CCDC148: variants seen among roughly 807,000 people sequenced by gnomAD.
CCDC148 encodes coiled-coil domain-containing protein 148.
CCDC148 carries 89 observed loss-of-function variants against 85.7 expected under a neutral mutation model. The observed-to-expected ratio is 1.04, with a 90% CI of 0.87 to 1.24. The LOEUF is 1.24. CCDC148 is among the 50% of genes most tolerant of loss of function. CCDC148 has a pLI of 0.00. For synonymous variants in CCDC148, 230 were observed against 213.9 expected (o/e 1.08, Z -0.66); for missense variants, 692 against 671.7 (o/e 1.03, Z -0.33).
At chr2:158,323,896 C>G (rs1692634296) in intron 7 of CCDC148, among the ~76,000 whole-genome samples, 1 of 132,140 alleles carries the variant, frequency 7.6e-6, no homozygotes, top group Non-Finnish European at 1.7e-5. Flanking sequence ...AAAATTATGT[C>G]TAATTTCACC....
At position 158,309,345 on chromosome 2, in the gene CCDC148, A is replaced by G. The variant is rs1228353533; in HGVS notation, c.1110+88T>C. 7 of 1,140,346 alleles carry G rather than the reference A, an allele frequency of 6.1e-6. No homozygotes were observed. The African/African-American group carries it at 9.3e-5, about 15-fold the overall frequency. The allele number at this position is 1,140,346 out of a possible 1,614,324, so 70.6% of individuals were successfully genotyped here. On this transcript the variant is annotated intron_variant, in intron 9 of 13. Coordinates refer to ENST00000283233, the MANE Select transcript of CCDC148 (RefSeq NM_138803.4). Reference sequence around the variant, plus strand: ...GGTAGGCTTTTGTTTTTTAAGAGAAACTGAACTTTAGGTTGAGTTTGAACA... The same window carrying G: ...GGTAGGCTTTTGTTTTTTAAGAGAAGCTGAACTTTAGGTTGAGTTTGAACA...
intron 13 of CCDC148, among the ~76,000 whole-genome samples, chr2:158,173,685 G>T (rs1010446653): frequency 1.3e-5 from 2 of 151,980 alleles, no homozygotes; most frequent in African/African-American, 4.8e-5. Context: ...ATGAAGTCAA[G>T]AATAATACAG....
chr2:158,274,553 T>G (rs767160323), intron 9 of CCDC148, among the ~76,000 whole-genome samples: 9 of 152,224 alleles, frequency 5.9e-5, no homozygotes, highest in Non-Finnish European at 8.8e-5. Flanking sequence ...CTCTTTTACA[T>G]TACTGTTCAG....
chr2:158,277,571 A>G (rs1052634674), intron 9 of CCDC148, among the ~76,000 whole-genome samples: 19 of 152,094 alleles, frequency 1.2e-4, no homozygotes, highest in Non-Finnish European at 2.6e-4. Context: ...TTCAATACTC[A>G]CAACAACACA....
At chr2:158,438,235 C>T (rs1411515035) in intron 1 of CCDC148, among the ~76,000 whole-genome samples, 2 of 152,216 alleles carry the variant, frequency 1.3e-5, no homozygotes, top group Middle Eastern at 3.4e-3. Context: ...TACTACAAGG[C>T]CTCAGTAACC....
intron 2 of CCDC148, among the ~76,000 whole-genome samples, chr2:158,347,810 A>G (rs547221733): frequency 5.3e-5 from 8 of 152,232 alleles, no homozygotes; most frequent in African/African-American, 1.9e-4. Context: ...ACATGTATGT[A>G]TATGTTTGTC....
chr2:158,237,767 T>C (rs930488364), intron 10 of CCDC148, among the ~76,000 whole-genome samples: 1 of 152,108 alleles, frequency 6.6e-6, no homozygotes, highest in Non-Finnish European at 1.5e-5. Context: ...GCTGAGATCA[T>C]TACAGAGTAC....
intron 1 of CCDC148, among the ~76,000 whole-genome samples, chr2:158,422,815 G>A (rs1275309868): frequency 6.6e-6 from 1 of 151,390 alleles, no homozygotes; most frequent in African/African-American, 2.4e-5. Flanking sequence ...CAGATGACAT[G>A]CCTGTATATT....
In CCDC148 at chr2:158,372,320, G is replaced by C. The variant is rs138722640; in HGVS notation, c.26-13750C>G. Among the ~76,000 whole-genome samples the C allele has an allele frequency of 3.8e-4, 58 of 152,112 alleles. No homozygotes were observed. The East Asian group carries it at 0.01, about 27-fold the overall frequency. ...AATTCTGACCAGAAACTATGACTGG[G>C]AGTTTTGAGTTTTGACAAATCACCT... is the stretch of plus-strand genomic sequence containing the variant. On this transcript the variant is annotated intron_variant, in intron 1 of 13. Coordinates refer to ENST00000283233, the MANE Select transcript of CCDC148 (RefSeq NM_138803.4).
intron 1 of CCDC148, among the ~76,000 whole-genome samples, chr2:158,375,286 T>C (rs1684607484): frequency 6.6e-6 from 1 of 152,118 alleles, no homozygotes; most frequent in Admixed American, 6.6e-5. Context: ...ACTTTAATTT[T>C]GTATATAATG....
chr2:158,217,934 A>T (rs999644785), intron 11 of CCDC148, among the ~76,000 whole-genome samples: 4 of 152,120 alleles, frequency 2.6e-5, no homozygotes, highest in Non-Finnish European at 4.4e-5. Context: ...TAACCAATCA[A>T]CCGAATTTCT....
chr2:158,213,090 C>A (rs1686663960), intron 11 of CCDC148, among the ~76,000 whole-genome samples: 1 of 152,114 alleles, frequency 6.6e-6, no homozygotes, highest in Non-Finnish European at 1.5e-5. Flanking sequence ...TGGAGTCTGG[C>A]CTGGGCATCA....
At chr2:158,389,107 T>C (rs936394224) in intron 1 of CCDC148, among the ~76,000 whole-genome samples, 6 of 152,186 alleles carry the variant, frequency 3.9e-5, no homozygotes, top group Admixed American at 1.3e-4. Flanking sequence ...GGATTTAAAC[T>C]ACACATACTC....
chr2:158,371,718 G>T (rs990360876), intron 1 of CCDC148, among the ~76,000 whole-genome samples: 3 of 128,746 alleles, frequency 2.3e-5, no homozygotes, highest in African/African-American at 9.5e-5. Flanking sequence ...AAAATGGCAT[G>T]TATACATATA....
At chr2:158,274,095 T>C (rs186235419) in intron 9 of CCDC148, among the ~76,000 whole-genome samples, 1 of 152,218 alleles carries the variant, frequency 6.6e-6, no homozygotes, top group East Asian at 1.9e-4. Context: ...GGACTTCAGA[T>C]TTTACTGGAA....
intron 7 of CCDC148, among the ~76,000 whole-genome samples, chr2:158,329,881 G>T (rs933258588): frequency 1.3e-5 from 2 of 152,174 alleles, no homozygotes; most frequent in Non-Finnish European, 2.9e-5. Flanking sequence ...CTTTGCCGAA[G>T]TTACCTATTA....
chr2:158,327,514 C>T (rs1413476989), intron 7 of CCDC148, among the ~76,000 whole-genome samples: 1 of 152,120 alleles, frequency 6.6e-6, no homozygotes, highest in African/African-American at 2.4e-5. Context: ...CCCTTTAACT[C>T]AATTCTGAAC....
chr2:158,394,361 G>A (rs1685438855), intron 1 of CCDC148, among the ~76,000 whole-genome samples: 1 of 152,026 alleles, frequency 6.6e-6, no homozygotes, highest in Admixed American at 6.6e-5. Flanking sequence ...TTTCATAGCT[G>A]ATATCTAAAA....
intron 9 of CCDC148, among the ~76,000 whole-genome samples, chr2:158,277,658 G>GTGA (rs1690019912): frequency 7.2e-6 from 1 of 139,816 alleles, no homozygotes; most frequent in South Asian, 2.3e-4. Flanking sequence ...GTGCAGTGGC[G>GTGA]TGATCTCGCC....
Sources: allele counts gnomAD v4.1 joint callset (sites outside exome capture counted in the v4.1 genomes callset), GRCh38; gene constraint gnomAD v4.1.1; transcripts MANE v1.5; gene names NCBI Gene and HGNC (gene_info 2026-07-23, HGNC 2026-07-21).